The following ST6GALNAC3 variants were observed in gnomAD, a reference collection of about 807,000 sequenced individuals.
The protein encoded by ST6GALNAC3 is ST6 N-acetylgalactosaminide alpha-2,6-sialyltransferase 3.
In ST6GALNAC3, 25 loss-of-function variants were observed where a neutral mutation model predicts 32.7. The ratio of observed to expected loss-of-function variants is 0.76; its 90% CI spans 0.56 to 1.07. The LOEUF (loss-of-function observed/expected upper bound fraction) is 1.07, where lower values mean the gene tolerates loss of function less well. Among genes scored for constraint, ST6GALNAC3 ranks in the 50% least tolerant of loss-of-function variants. The pLI, the probability that ST6GALNAC3 is intolerant of heterozygous loss-of-function variation, is 0.00. For synonymous variants in ST6GALNAC3, 129 were observed against 133.1 expected (o/e 0.97, Z 0.21); for missense variants, 355 against 382.4 (o/e 0.93, Z 0.60).
chr1:76,189,863 G>A (rs775945980), intron 1 of ST6GALNAC3, among the ~76,000 whole-genome samples: 4 of 152,144 alleles, frequency 2.6e-5, no homozygotes, highest in African/African-American at 7.2e-5. Flanking sequence ...AGGCATGAAA[G>A]AATCTCTGAG....
At position 76,274,120 on chromosome 1, in the gene ST6GALNAC3, T is replaced by C. The variant is rs1205691493; in HGVS notation, c.19-39685T>C. Among the ~76,000 whole-genome samples the C allele has an allele frequency of 2.0e-5, 3 of 152,168 alleles. No individual in the cohort carries two copies. The East Asian group carries it at 5.8e-4, about 29-fold the overall frequency. ...AAGTACATTCATAGTTCAAGAGAGT[T>C]TTGCTTAGGTGTCATCTCTCAATAA... On this transcript the variant is annotated intron_variant, in intron 1 of 4. Transcript: ENST00000328299.
chr1:76,491,958 G>A (rs559994004), intron 3 of ST6GALNAC3, among the ~76,000 whole-genome samples: 3 of 152,276 alleles, frequency 2.0e-5, no homozygotes, highest in South Asian at 2.1e-4. Context: ...TCTGATAACC[G>A]TGAAAGCTGA....
chr1:76,452,056 G>C (rs190232533), intron 3 of ST6GALNAC3, among the ~76,000 whole-genome samples: 65 of 152,228 alleles, frequency 4.3e-4, no homozygotes, highest in Admixed American at 7.2e-4. Context: ...CTGTGGGTTT[G>C]TCATAGATGG....
At chr1:76,635,428 C>T (rs1234348264), downstream of ST6GALNAC3, among the ~76,000 whole-genome samples, 1 of 152,086 alleles carries the variant, frequency 6.6e-6, no homozygotes, top group Non-Finnish European at 1.5e-5. Context: ...TTCAGTTCCC[C>T]CAATACTTTA....
At chr1:76,175,997 C>T (rs1652825612) in intron 1 of ST6GALNAC3, among the ~76,000 whole-genome samples, 1 of 152,092 alleles carries the variant, frequency 6.6e-6, no homozygotes, top group East Asian at 1.9e-4. Flanking sequence ...TGAGCTTTGC[C>T]TTTTTTTCTT....
At chr1:76,612,659 A>T (rs1201396366) in intron 3 of ST6GALNAC3, among the ~76,000 whole-genome samples, 1 of 152,196 alleles carries the variant, frequency 6.6e-6, no homozygotes, top group Non-Finnish European at 1.5e-5. Flanking sequence ...ACGATGTGCA[A>T]ATCGGCAGTT....
At chr1:76,557,459 G>A (rs1437626947) in intron 3 of ST6GALNAC3, among the ~76,000 whole-genome samples, 1 of 151,994 alleles carries the variant, frequency 6.6e-6, no homozygotes, top group African/African-American at 2.4e-5. Flanking sequence ...TGTTCCATCA[G>A]GATTGTAAAC....
intron 3 of ST6GALNAC3, among the ~76,000 whole-genome samples, chr1:76,592,252 A>T (rs1353519570): frequency 6.6e-6 from 1 of 152,148 alleles, no homozygotes; most frequent in Non-Finnish European, 1.5e-5. Context: ...AACAGAGATG[A>T]TGAGGTTTGG....
At chr1:76,634,924 C>G, downstream of ST6GALNAC3, among the ~76,000 whole-genome samples, 1 of 42,214 alleles carries the variant, frequency 2.4e-5, no homozygotes, top group African/African-American at 1.9e-4. Flanking sequence ...TGGTCTCGAT[C>G]TCCTGACCTC....
At chr1:76,362,614 G>C (rs1650053533) in intron 2 of ST6GALNAC3, among the ~76,000 whole-genome samples, 1 of 152,194 alleles carries the variant, frequency 6.6e-6, no homozygotes, top group Non-Finnish European at 1.5e-5. Context: ...TATAGACATT[G>C]GGTAAATACT....
intron 2 of ST6GALNAC3, among the ~76,000 whole-genome samples, chr1:76,379,477 T>G (rs10782616): frequency 2.0e-5 from 3 of 152,146 alleles, no homozygotes; most frequent in Non-Finnish European, 2.9e-5. Flanking sequence ...ATTGAGAACA[T>G]TTGCAGCTGA....
In ST6GALNAC3 at chr1:76,633,171, G is replaced by T. The variant is rs192238863; in HGVS notation, c.*4365G>T. ...TATAAACTGGACTAATGGCAGTACTGAGACTCAAATTCTTGTCTCATGTTT... is the reference window on the plus strand; with the variant it reads ...TATAAACTGGACTAATGGCAGTACTTAGACTCAAATTCTTGTCTCATGTTT... On this transcript the variant is annotated 3_prime_UTR_variant, in exon 5 of 5. Transcript: ENST00000328299. 1 of 152,246 alleles carries T rather than the reference G, an allele frequency of 6.6e-6. No individual in the cohort carries two copies. 9.4% of individuals were successfully genotyped at this position (152,246 alleles called of 1,614,324 possible).
intron 1 of ST6GALNAC3, among the ~76,000 whole-genome samples, chr1:76,184,519 G>GCGCGCACACACACACACA (rs1335590722): frequency 2.2e-5 from 3 of 134,176 alleles, no homozygotes; most frequent in African/African-American, 5.7e-5. Flanking sequence ...CTCCTGGGCA[G>GCGCGCACACACACACACA]CACACACACA....
chr1:76,482,225 T>G (rs1238560883), intron 3 of ST6GALNAC3, among the ~76,000 whole-genome samples: 1 of 152,106 alleles, frequency 6.6e-6, no homozygotes, highest in Non-Finnish European at 1.5e-5. Context: ...AAGAGATCTT[T>G]CATTTTCTGA....
chr1:76,624,604 G>C (rs2100714694), intron 3 of ST6GALNAC3, among the ~76,000 whole-genome samples: 1 of 151,906 alleles, frequency 6.6e-6, no homozygotes, highest in Middle Eastern at 3.4e-3. Context: ...CTCTGTGAAG[G>C]GACCACATCA....
chr1:76,578,089 T>C (rs1415144232), intron 3 of ST6GALNAC3, among the ~76,000 whole-genome samples: 1 of 152,108 alleles, frequency 6.6e-6, no homozygotes, highest in Non-Finnish European at 1.5e-5. Context: ...AAAAACCTTT[T>C]GTCCATTTGA....
intron 3 of ST6GALNAC3, among the ~76,000 whole-genome samples, chr1:76,615,935 G>A (rs543262803): frequency 1.3e-5 from 2 of 152,044 alleles, no homozygotes; most frequent in Non-Finnish European, 2.9e-5. Flanking sequence ...AAAAGTGTTG[G>A]AATGTATCTC....
At chr1:76,428,961 C>T (rs1405341404) in intron 3 of ST6GALNAC3, among the ~76,000 whole-genome samples, 2 of 152,094 alleles carry the variant, frequency 1.3e-5, no homozygotes, top group African/African-American at 4.8e-5. Context: ...AGAACCTTAA[C>T]TTTATAATGC....
intron 1 of ST6GALNAC3, among the ~76,000 whole-genome samples, chr1:76,204,192 C>A (rs1332238991): frequency 1.3e-5 from 2 of 152,126 alleles, no homozygotes; most frequent in African/African-American, 4.8e-5. Flanking sequence ...AACATAATGA[C>A]CTCCACTTCC....
Sources: allele counts gnomAD v4.1 joint callset (sites outside exome capture counted in the v4.1 genomes callset), GRCh38; gene constraint gnomAD v4.1.1; transcripts MANE v1.5; gene names NCBI Gene and HGNC (gene_info 2026-07-23, HGNC 2026-07-21).